The following SEC23A variants were observed in gnomAD, a reference collection of about 807,000 sequenced individuals.
The protein encoded by SEC23A is protein transport protein Sec23A.
In SEC23A, 56 loss-of-function variants were observed where a neutral mutation model predicts 103.7. That is an observed-to-expected ratio of 0.54 (90% confidence interval 0.44 to 0.67). The LOEUF (loss-of-function observed/expected upper bound fraction) is 0.67. SEC23A is among the 30% of genes least tolerant of loss of function. SEC23A has a pLI of 0.00. For missense variants in SEC23A, 784 were observed against 936.4 expected (o/e 0.84, Z 2.12); for synonymous variants, 281 against 293.0 (o/e 0.96, Z 0.42).
At chr14:39,035,764 C>A (rs1344384403) in intron 19 of SEC23A, among the ~76,000 whole-genome samples, 1 of 152,048 alleles carries the variant, frequency 6.6e-6, no homozygotes, top group Non-Finnish European at 1.5e-5. Context: ...TATGGAAAAT[C>A]AAAAATGAAA....
chr14:39,073,683 C>A (rs1380161767), intron 9 of SEC23A, among the ~76,000 whole-genome samples: 1 of 140,486 alleles, frequency 7.1e-6, no homozygotes, highest in Non-Finnish European at 1.5e-5. Context: ...GATCTCAGCT[C>A]ACTGCAACCT....
intron 1 of SEC23A, among the ~76,000 whole-genome samples, chr14:39,099,154 GTTTTTTT>G (rs35763261): frequency 1.2e-5 from 1 of 83,644 alleles, no homozygotes; most frequent in Admixed American, 1.6e-4. Context: ...TTGTTTTTGG[GTTTTTTT>G]TTTTTTTTTT....
chr14:39,090,580 A>T (rs1410784377), intron 5 of SEC23A, among the ~76,000 whole-genome samples: 1 of 152,170 alleles, frequency 6.6e-6, no homozygotes, highest in East Asian at 1.9e-4. Flanking sequence ...TCCCTCACCA[A>T]ACATACTAAA....
At position 39,063,512 on chromosome 14, in the gene SEC23A, T is replaced by C. The variant is rs1047409939; in HGVS notation, c.1309-99A>G. The C allele has an allele frequency of 6.3e-5, 47 of 741,390 alleles. No homozygotes were observed. In the African/African-American group the frequency reaches 8.0e-4, roughly 13 times the overall value. 45.9% of individuals were successfully genotyped at this position (741,390 alleles called of 1,614,324 possible). A position where few individuals can be genotyped will look rare whatever the true frequency, so the allele number is the denominator to read the frequency against. On this transcript the variant is annotated intron_variant, in intron 11 of 19. Coordinates refer to ENST00000307712, the MANE Select transcript of SEC23A (RefSeq NM_006364.4). ...AAAAAGACCACAGGAAAAAAAAAAG[T>C]CATGTTTCAAACTAATTCAACAATG...
At chr14:39,086,366 C>T (rs1370978922) in intron 6 of SEC23A, among the ~76,000 whole-genome samples, 5 of 152,080 alleles carry the variant, frequency 3.3e-5, no homozygotes, top group East Asian at 1.9e-4. Flanking sequence ...TAGCAGGGCG[C>T]GGTGGCTCAC....
At chr14:39,065,946 T>G (rs1886645775) in intron 10 of SEC23A, among the ~76,000 whole-genome samples, 1 of 130,738 alleles carries the variant, frequency 7.6e-6, no homozygotes, top group African/African-American at 3.0e-5. Context: ...TATAGTGAGC[T>G]GAGATCATGA....
At chr14:39,067,084 A>T in intron 10 of SEC23A, 89 bp downstream of exon 10, 1 of 1,493,640 alleles carries the variant, frequency 6.7e-7, no homozygotes, top group Non-Finnish European at 9.3e-7. Context: ...AGTAAATATT[A>T]AATTTGATTA....
At chr14:39,099,933 G>C (rs1439129638) in intron 1 of SEC23A, among the ~76,000 whole-genome samples, 1 of 151,736 alleles carries the variant, frequency 6.6e-6, no homozygotes, top group Non-Finnish European at 1.5e-5. Flanking sequence ...CACTGCCTTA[G>C]GACCATTAGG....
chr14:39,062,077 T>C lies in SEC23A; in HGVS notation c.1399-206A>G, dbSNP rs3742354. Among the ~76,000 whole-genome samples, 32,305 of 152,026 alleles carry C rather than the reference T, an allele frequency of 0.21. 4,345 individuals are homozygous for C. Among genetic ancestry groups the C allele is most frequent in the Middle Eastern group, 0.36 (106 of 294 alleles). ...AGAGGAGGAAAATAATCAAGAATGA[T>C]AGAAGTCAGTCCTGCTAGGAAATCA... On this transcript the variant is annotated intron_variant, in intron 12 of 19. Coordinates refer to ENST00000307712, the MANE Select transcript of SEC23A (RefSeq NM_006364.4).
intron 17 of SEC23A, chr14:39,041,146 C>A (rs1434128848): frequency 6.5e-6 from 2 of 309,128 alleles, no homozygotes; most frequent in Non-Finnish European, 1.2e-5. Context: ...CTATGCTTAT[C>A]AAATGAATGT....
chr14:39,061,672 G>A (rs1017331955), intron 13 of SEC23A, 93 bp downstream of exon 13: 2 of 826,230 alleles, frequency 2.4e-6, no homozygotes, highest in African/African-American at 3.3e-5. Flanking sequence ...TCACTTGCTA[G>A]TCATGGATGT....
chr14:39,091,356 T>A, intron 5 of SEC23A, 121 bp downstream of exon 5: 1 of 722,658 alleles, frequency 1.4e-6, no homozygotes, highest in Non-Finnish European at 2.4e-6. Context: ...AAGCCTTTGT[T>A]ATAATACAAT....
At chr14:39,042,198 C>T (rs750819334) in intron 17 of SEC23A, among the ~76,000 whole-genome samples, 1 of 152,200 alleles carries the variant, frequency 6.6e-6, no homozygotes, top group Non-Finnish European at 1.5e-5. Flanking sequence ...AAAAAGAACA[C>T]ATCTATATCT....
rs538924380 is a variant in SEC23A at position 39,082,777 on chromosome 14, A to C, written c.828+2985T>G. ...AAGAACACAGCATTACTTCTGTGAT[A>C]TTCCTCCCAAAGATGCAAGACCTGA... On this transcript the variant is annotated intron_variant, in intron 7 of 19. Transcript: ENST00000307712. Among the ~76,000 whole-genome samples the C allele has an allele frequency of 4.6e-5, 7 of 152,344 alleles. No individual in the cohort carries two copies. In the East Asian group the frequency reaches 9.6e-4, roughly 21 times the overall value.
At chr14:39,100,884 C>G (rs931038530) in intron 1 of SEC23A, among the ~76,000 whole-genome samples, 2 of 151,856 alleles carry the variant, frequency 1.3e-5, no homozygotes, top group African/African-American at 4.8e-5. Context: ...CACTCTATCA[C>G]CCAGGTTGGA....
chr14:39,082,569 A>C (rs951252561), intron 7 of SEC23A, among the ~76,000 whole-genome samples: 1 of 152,350 alleles, frequency 6.6e-6, no homozygotes, highest in Middle Eastern at 3.4e-3. Flanking sequence ...CATCAGCAGT[A>C]ATGAAATAAA....
chr14:39,074,642 T>A, intron 8 of SEC23A, 112 bp from the exon 9 acceptor site: 1 of 660,870 alleles, frequency 1.5e-6, no homozygotes, highest in Non-Finnish European at 2.7e-6. Context: ...TAATTTAAAT[T>A]ATGATTAGTT....
intron 19 of SEC23A, among the ~76,000 whole-genome samples, chr14:39,036,521 T>C (rs894051381): frequency 6.6e-6 from 1 of 152,068 alleles, no homozygotes; most frequent in Non-Finnish European, 1.5e-5. Flanking sequence ...AATAATCTCA[T>C]ATTATTGAAA....
chr14:39,067,733 C>G (rs1886721169), intron 9 of SEC23A, among the ~76,000 whole-genome samples: 1 of 128,652 alleles, frequency 7.8e-6, no homozygotes, highest in African/African-American at 3.0e-5. Context: ...TGCAGTGGAA[C>G]AATCACGGCT....
Sources: allele counts gnomAD v4.1 joint callset (sites outside exome capture counted in the v4.1 genomes callset), GRCh38; gene constraint gnomAD v4.1.1; transcripts MANE v1.5; gene names NCBI Gene and HGNC (gene_info 2026-07-23, HGNC 2026-07-21).